Variants in SLC24A2 observed in about 807,000 individuals in gnomAD.
The protein encoded by SLC24A2 is sodium/potassium/calcium exchanger 2.
In SLC24A2, 36 loss-of-function variants were observed where a neutral mutation model predicts 62.0. The ratio of observed to expected loss-of-function variants is 0.58; its 90% confidence interval spans 0.44 to 0.77. The LOEUF (loss-of-function observed/expected upper bound fraction) is 0.77, where lower values mean the gene tolerates loss of function less well. Among genes scored for constraint, SLC24A2 ranks in the 30% least tolerant of loss-of-function variants. The pLI is 0.00. For synonymous variants in SLC24A2, 358 were observed against 294.0 expected (o/e 1.22, Z -2.23); for missense variants, 846 against 817.9 (o/e 1.03, Z -0.42).
chr9:19,530,607 A>G (rs188790357), intron 8 of SLC24A2, among the ~76,000 whole-genome samples: 2 of 152,330 alleles, frequency 1.3e-5, no homozygotes, highest in Admixed American at 1.3e-4. Context: ...CCTAGCCAAA[A>G]GGTATAAAGC....
At chr9:19,932,876 A>G in the SLC24A2 span, among the ~76,000 whole-genome samples, 2 of 152,236 alleles carry the variant, frequency 1.3e-5, no homozygotes, top group Non-Finnish European at 2.9e-5. Context: ...TACTCTGTCC[A>G]TAATACTCTC....
chr9:20,019,296 A>AAAGAAAGAAAGAAAGAAAGAAAGG, the SLC24A2 span, among the ~76,000 whole-genome samples: 7 of 150,186 alleles, frequency 4.7e-5, no homozygotes, highest in African/African-American at 1.5e-4. Flanking sequence ...AGAAAGAAAG[A>AAAGAAAGAAAGAAAGAAAGAAAGG]AAGAAAGAAA....
chr9:19,948,204 C>G, the SLC24A2 span, among the ~76,000 whole-genome samples: 12 of 152,300 alleles, frequency 7.9e-5, no homozygotes, highest in South Asian at 2.3e-3. Context: ...TTACTTCCAG[C>G]CAACTCATCT....
At chr9:19,520,337 C>G (rs1183435842) in intron 10 of SLC24A2, among the ~76,000 whole-genome samples, 2 of 152,218 alleles carry the variant, frequency 1.3e-5, no homozygotes, top group East Asian at 3.9e-4. Context: ...ATTATTCATA[C>G]TGAGAGCTCA....
At chr9:20,058,275 C>G in the SLC24A2 span, among the ~76,000 whole-genome samples, 2 of 152,038 alleles carry the variant, frequency 1.3e-5, no homozygotes, top group African/African-American at 2.4e-5. Context: ...GTAAGTCACA[C>G]AAATAAAGAT....
the SLC24A2 span, among the ~76,000 whole-genome samples, chr9:20,072,372 A>G: frequency 6.6e-6 from 1 of 152,112 alleles, no homozygotes; most frequent in Non-Finnish European, 1.5e-5. Flanking sequence ...GGACAAGAGA[A>G]GGTCAGACAG....
the SLC24A2 span, among the ~76,000 whole-genome samples, chr9:20,107,755 T>C: frequency 6.6e-6 from 1 of 152,020 alleles, no homozygotes; most frequent in East Asian, 1.9e-4. Flanking sequence ...AAAGAAAACC[T>C]AGGCATTACC....
At chr9:19,797,636 T>C in the SLC24A2 span, among the ~76,000 whole-genome samples, 1 of 152,206 alleles carries the variant, frequency 6.6e-6, no homozygotes, top group Admixed American at 6.5e-5. Flanking sequence ...AGCTCTTCTC[T>C]GAAGTATTTG....
chr9:19,881,600 C>G, the SLC24A2 span, among the ~76,000 whole-genome samples: 1 of 152,186 alleles, frequency 6.6e-6, no homozygotes, highest in Non-Finnish European at 1.5e-5. Flanking sequence ...TCCGAGGGCA[C>G]AGCAAATTCA....
chr9:19,959,540 A>C, the SLC24A2 span, among the ~76,000 whole-genome samples: 8 of 152,306 alleles, frequency 5.3e-5, no homozygotes, highest in South Asian at 8.3e-4. Context: ...TTACTGTATC[A>C]CTGTAAATTA....
the SLC24A2 span, among the ~76,000 whole-genome samples, chr9:20,070,516 C>T: frequency 1.5e-3 from 227 of 152,318 alleles, 1 homozygote; most frequent in African/African-American, 5.4e-3. Flanking sequence ...AAACCGCAGG[C>T]AGCATATTCA....
chr9:20,307,237 C>T, the SLC24A2 span, among the ~76,000 whole-genome samples: 1 of 152,166 alleles, frequency 6.6e-6, no homozygotes, highest in South Asian at 2.1e-4. Context: ...CTGTTTGCCA[C>T]CTCTTTCTCT....
intron 2 of SLC24A2, among the ~76,000 whole-genome samples, chr9:19,623,012 G>A (rs952099740): frequency 9.2e-5 from 14 of 152,088 alleles, no homozygotes; most frequent in African/African-American, 3.4e-4. Context: ...TGAGAAATGT[G>A]GATTAGAACA....
At position 19,619,544 on chromosome 9, in the gene SLC24A2, T is replaced by C. The variant is rs59771317; in HGVS notation, c.1078+40A>G. 2.0e-5 allele frequency: 30 copies of C among 1,470,926 alleles called. No individual in the cohort carries two copies. The African/African-American group carries it at 3.9e-4, about 19-fold the overall frequency. The allele number at this position is 1,470,926 out of a possible 1,614,324, so 91.1% of individuals were successfully genotyped here. A position where few individuals can be genotyped will look rare whatever the true frequency, so the allele number is the denominator to read the frequency against. On this transcript the variant is annotated intron_variant, in intron 4 of 10. Transcript: ENST00000341998. ...GCAGAGAAGCCTTTTGGCATCCTTT[T>C]CCCCCCAAACAAGTTCCCAAACCAA...
At chr9:20,274,192 A>G in the SLC24A2 span, among the ~76,000 whole-genome samples, 1 of 152,170 alleles carries the variant, frequency 6.6e-6, no homozygotes, top group Non-Finnish European at 1.5e-5. Flanking sequence ...AAATACATAG[A>G]TAATGATGCC....
intron 7 of SLC24A2, among the ~76,000 whole-genome samples, chr9:19,565,279 A>G (rs1350643991): frequency 6.6e-6 from 1 of 150,428 alleles, no homozygotes; most frequent in Non-Finnish European, 1.5e-5. Context: ...TCAGGATACA[A>G]AATCAATGTG....
At chr9:20,163,071 A>G in the SLC24A2 span, among the ~76,000 whole-genome samples, 1 of 152,170 alleles carries the variant, frequency 6.6e-6, no homozygotes, top group South Asian at 2.1e-4. Context: ...AAACTGGCAG[A>G]AGACAGGGAT....
At chr9:19,983,219 A>G in the SLC24A2 span, among the ~76,000 whole-genome samples, 2 of 152,184 alleles carry the variant, frequency 1.3e-5, no homozygotes, top group Non-Finnish European at 2.9e-5. Context: ...ACATAAAACT[A>G]TCTCTATTCA....
At chr9:19,583,809 AG>A (rs1365650896) in intron 5 of SLC24A2, among the ~76,000 whole-genome samples, 1 of 152,166 alleles carries the variant, frequency 6.6e-6, no homozygotes, top group African/African-American at 2.4e-5. Flanking sequence ...AAGGTCAATA[AG>A]GTGCATGTGC....
Sources: gnomAD v4.1 joint callset for allele counts (sites outside exome capture counted in the v4.1 genomes callset) on GRCh38, gnomAD v4.1.1 for gene constraint, MANE v1.5 for transcripts, NCBI Gene and HGNC (gene_info 2026-07-23, HGNC 2026-07-21) for gene names.